Variants in MAGI2 observed in about 807,000 individuals in gnomAD.
MAGI2 encodes membrane associated guanylate kinase, WW and PDZ domain containing 2, also known as membrane-associated guanylate kinase, WW and PDZ domain-containing protein 2.
In MAGI2, 35 loss-of-function variants were observed where a neutral mutation model predicts 133.3. The observed-to-expected ratio is 0.26, with a 90% confidence interval of 0.20 to 0.35. The LOEUF is 0.35. Ranked by LOEUF, MAGI2 falls within the 10% of genes least tolerant of loss-of-function variation. The pLI is 1.00. For synonymous variants in MAGI2, 729 were observed against 710.6 expected (o/e 1.03, Z -0.41); for missense variants, 1,636 against 1,863.4 (o/e 0.88, Z 2.25).
rs151193855 is a variant in MAGI2, at chr7:79,195,771, A to G, written c.302-188565T>C. 2.4e-3 allele frequency among the ~76,000 whole-genome samples: 354 copies of G among 150,020 alleles called. 3 individuals carry two copies. The highest frequency in any genetic ancestry group is 8.3e-3 in the African/African-American group (329 of 39,594). On this transcript the variant is annotated intron_variant, in intron 1 of 21. Transcript: ENST00000354212. ...TATCTGTCCTCCTTATCCAGCATCAATCTAATACTAAGGATTTTTTTTTTT... is the reference window on the plus strand; with the variant it reads ...TATCTGTCCTCCTTATCCAGCATCAGTCTAATACTAAGGATTTTTTTTTTT...
intron 9 of MAGI2, among the ~76,000 whole-genome samples, chr7:78,306,402 C>T (rs1370625639): frequency 1.3e-5 from 2 of 152,154 alleles, no homozygotes; most frequent in East Asian, 3.9e-4. Flanking sequence ...TTCATTCATT[C>T]AATTTAAATC....
At chr7:79,057,090 C>G (rs558722509) in intron 1 of MAGI2, among the ~76,000 whole-genome samples, 4 of 152,134 alleles carry the variant, frequency 2.6e-5, no homozygotes, top group African/African-American at 9.7e-5. Flanking sequence ...TGAAAACATT[C>G]TTTTTCAAGC....
chr7:79,436,046 T>C (rs928255809), intron 1 of MAGI2, among the ~76,000 whole-genome samples: 1 of 152,102 alleles, frequency 6.6e-6, no homozygotes, highest in Non-Finnish European at 1.5e-5. Context: ...TAAATGGTGC[T>C]GAGATATTGG....
intron 1 of MAGI2, among the ~76,000 whole-genome samples, chr7:79,243,583 GA>G (rs1163481816): frequency 6.6e-6 from 1 of 152,122 alleles, no homozygotes; most frequent in Non-Finnish European, 1.5e-5. Flanking sequence ...TAAAATGCTG[GA>G]AAAAAGAATT....
At chr7:79,335,771 C>G (rs1840398165) in intron 1 of MAGI2, among the ~76,000 whole-genome samples, 1 of 151,914 alleles carries the variant, frequency 6.6e-6, no homozygotes, top group Non-Finnish European at 1.5e-5. Flanking sequence ...GTAACTAGTG[C>G]ATTACTCTCA....
At chr7:78,218,972 C>T (rs1214175480) in intron 10 of MAGI2, among the ~76,000 whole-genome samples, 1 of 152,166 alleles carries the variant, frequency 6.6e-6, no homozygotes, top group African/African-American at 2.4e-5. Flanking sequence ...GTCTACCTCC[C>T]ACGTGAAGGG....
At position 79,167,473 on chromosome 7, in the gene MAGI2, T is replaced by C. The variant is rs1825064331; in HGVS notation, c.302-160267A>G. ...AAAATACTTCCTTTAAATATACATT[T>C]CCTTTCATTTTTAGACTGACTTCTT... On this transcript the variant is annotated intron_variant, in intron 1 of 21. Transcript: ENST00000354212. Among the ~76,000 whole-genome samples, 2 of 151,832 alleles carry C rather than the reference T, an allele frequency of 1.3e-5. 1 individual carries two copies. The highest frequency in any genetic ancestry group is 4.2e-4 in the South Asian group (2 of 4,816).
chr7:79,038,585 G>C (rs1178041615), intron 1 of MAGI2, among the ~76,000 whole-genome samples: 1 of 152,046 alleles, frequency 6.6e-6, no homozygotes, highest in Non-Finnish European at 1.5e-5. Flanking sequence ...TAGACAAAAG[G>C]TAGCAATCAT....
At chr7:78,983,455 G>A (rs553903904) in intron 2 of MAGI2, among the ~76,000 whole-genome samples, 8 of 151,858 alleles carry the variant, frequency 5.3e-5, no homozygotes, top group Non-Finnish European at 1.2e-4. Flanking sequence ...AGAGTAGAAT[G>A]TTCTCTTTGG....
chr7:78,477,766 C>T (rs1366925963), intron 6 of MAGI2, among the ~76,000 whole-genome samples: 1 of 151,702 alleles, frequency 6.6e-6, no homozygotes, highest in African/African-American at 2.4e-5. Flanking sequence ...CTCAGCAAAA[C>T]CATATCAAGC....
chr7:78,980,786 T>C (rs188012289), intron 2 of MAGI2, among the ~76,000 whole-genome samples: 3 of 151,946 alleles, frequency 2.0e-5, no homozygotes, highest in Admixed American at 2.0e-4. Context: ...TTGTTTTTTG[T>C]TTTTTTAAAT....
chr7:78,914,182 G>A (rs1410667117), intron 2 of MAGI2, among the ~76,000 whole-genome samples: 1 of 152,114 alleles, frequency 6.6e-6, no homozygotes, highest in East Asian at 1.9e-4. Flanking sequence ...TAAGGACAGA[G>A]GATGTATCAC....
chr7:78,923,065 T>C (rs1382898669), intron 2 of MAGI2, among the ~76,000 whole-genome samples: 1 of 152,202 alleles, frequency 6.6e-6, no homozygotes, highest in South Asian at 2.1e-4. Context: ...GTAAATTTGT[T>C]TGAGTTCATT....
chr7:78,273,366 A>C (rs1336410551), intron 9 of MAGI2, among the ~76,000 whole-genome samples: 2 of 152,152 alleles, frequency 1.3e-5, no homozygotes, highest in African/African-American at 4.8e-5. Context: ...GCTGCCCTTA[A>C]CATTTTTTCC....
chr7:78,841,063 T>G (rs1422022059), intron 2 of MAGI2, among the ~76,000 whole-genome samples: 2 of 152,004 alleles, frequency 1.3e-5, no homozygotes, highest in African/African-American at 4.8e-5. Context: ...TTGTCCTCCA[T>G]TTTGAAAATA....
chr7:79,132,942 A>T (rs910839492), intron 1 of MAGI2, among the ~76,000 whole-genome samples: 1 of 152,068 alleles, frequency 6.6e-6, no homozygotes, highest in African/African-American at 2.4e-5. Context: ...GGCCATTTGT[A>T]TATATTCTTT....
At chr7:79,270,742 A>AT (rs11371506) in intron 1 of MAGI2, among the ~76,000 whole-genome samples, 83,970 of 150,812 alleles carry the variant, frequency 0.56, 25,659 homozygotes, top group Non-Finnish European at 0.68. Flanking sequence ...AGTCTTAGTT[A>AT]TTTTTTTTTA....
Position 78,898,741 on chromosome 7 carries a change from C to T in MAGI2, c.418+108349G>A, listed in dbSNP as rs141060592. ...TCCTGGTGATGAAATAATTTGTCAT[C>T]ACACTCCTGTGATTGTAAGTTTACT... On this transcript the variant is annotated intron_variant, in intron 2 of 21. Transcript: ENST00000354212. Among the ~76,000 whole-genome samples the T allele has an allele frequency of 2.0e-5, 3 of 151,512 alleles. No individual in the cohort carries two copies. The East Asian group carries it at 6.2e-4, about 31-fold the overall frequency.
At chr7:78,338,783 A>G (rs1448980890) in intron 9 of MAGI2, among the ~76,000 whole-genome samples, 1 of 152,222 alleles carries the variant, frequency 6.6e-6, no homozygotes, top group Non-Finnish European at 1.5e-5. Context: ...TTTTCCAATG[A>G]GAGACATTAT....
Sources: allele counts gnomAD v4.1 joint callset (sites outside exome capture counted in the v4.1 genomes callset), GRCh38; gene constraint gnomAD v4.1.1; transcripts MANE v1.5; gene names NCBI Gene and HGNC (gene_info 2026-07-23, HGNC 2026-07-21).